The following NRL variants were observed in gnomAD, a reference collection of about 807,000 sequenced individuals.
NRL encodes neural retina leucine zipper, also known as neural retina-specific leucine zipper protein.
In NRL, 16 loss-of-function variants were observed where a neutral mutation model predicts 12.5. The observed-to-expected ratio is 1.28, with a 90% CI of 0.87 to 1.95. The LOEUF (loss-of-function observed/expected upper bound fraction) is 1.95, where lower values mean the gene tolerates loss of function less well. Ranked by LOEUF, NRL falls within the 30% of genes most tolerant of loss-of-function variation. NRL has a pLI of 0.00. For missense variants in NRL, 314 were observed against 325.8 expected, an observed-to-expected ratio of 0.96 and a Z score of 0.28; for synonymous variants, 142 against 150.9, an observed-to-expected ratio of 0.94 and a Z score of 0.43.
chr14:24,105,668 C>T (rs1339633514), intron 1 of NRL, among the ~76,000 whole-genome samples: 2 of 152,208 alleles, frequency 1.3e-5, no homozygotes, highest in Non-Finnish European at 2.9e-5. Flanking sequence ...CCTATAATCC[C>T]AGCACTTTGG....
intron 1 of NRL, among the ~76,000 whole-genome samples, chr14:24,096,088 C>T (rs1049577242): frequency 6.6e-6 from 1 of 152,126 alleles, no homozygotes; most frequent in African/African-American, 2.4e-5. Flanking sequence ...AGAATAAACA[C>T]AGCTGCCATT....
In NRL at chr14:24,079,124, G is replaced by GT. The variant is rs2036202966; in HGVS notation, c.*2111dup. Reference sequence around the variant, plus strand: ...CTTAATCACCACAGTGTGCAACTTTGTTTTTTTAAGTATACTCAGGTAACC... The same window carrying GT: ...CTTAATCACCACAGTGTGCAACTTTGTTTTTTTTAAGTATACTCAGGTAACC... On this transcript the variant is annotated 3_prime_UTR_variant, in exon 3 of 3. Coordinates refer to ENST00000561028, the MANE Select transcript of NRL (RefSeq NM_001354768.3). 1.3e-5 allele frequency among the ~76,000 whole-genome samples: 2 copies of GT among 152,066 alleles called. No individual in the cohort carries two copies. The highest frequency in any genetic ancestry group is 2.9e-5 in the Non-Finnish European group (2 of 68,004).
At chr14:24,104,428 G>C (rs1169323608) in intron 1 of NRL, among the ~76,000 whole-genome samples, 2 of 149,194 alleles carry the variant, frequency 1.3e-5, no homozygotes, top group Non-Finnish European at 3.0e-5. Context: ...AGGGGATTGA[G>C]ACCATCCGGG....
rs1226575723 is a variant in NRL at position 24,081,582 on chromosome 14, A to G, written c.382-14T>C. 1 of 1,584,032 alleles carries G rather than the reference A, an allele frequency of 6.3e-7. No individual in the cohort carries two copies. Among genetic ancestry groups the G allele is most frequent in the South Asian group, 1.2e-5 (1 of 86,908 alleles). On this transcript the variant is annotated splice_polypyrimidine_tract_variant and intron_variant, in intron 2 of 2. Coordinates refer to ENST00000561028, the MANE Select transcript of NRL (RefSeq NM_001354768.3). This position sits in a 1 kb window ranked among gnomAD's most constrained non-coding sequence, Gnocchi z 4.4. ...CCGCTCTGCCAGCTGCGGAGGGAGA[A>G]TGCAGAAACCGGGTCAGCGCCAGGT...
chr14:24,113,959 C>T (rs10138006), intron 1 of NRL, among the ~76,000 whole-genome samples: 3,075 of 152,340 alleles, frequency 0.02, 90 homozygotes, highest in African/African-American at 0.07. Flanking sequence ...CCACACGTCC[C>T]CACCCAGCCA....
Position 24,094,270 on chromosome 14 carries a change from C to G in NRL, c.-27-11395G>C. 1 of 823,280 alleles carries G rather than the reference C, an allele frequency of 1.2e-6. No individual in the cohort carries two copies. Among genetic ancestry groups the G allele is most frequent in the Non-Finnish European group, 1.9e-6 (1 of 526,732 alleles). 51.0% of individuals were successfully genotyped at this position (823,280 alleles called of 1,614,324 possible). ...GCCCTACCAGGTTCCGCCCCCGCGCCTGCCCCCCTCCTTTTTAAGCGCCTC... is the reference window on the plus strand; with the variant it reads ...GCCCTACCAGGTTCCGCCCCCGCGCGTGCCCCCCTCCTTTTTAAGCGCCTC... On this transcript the variant is annotated intron_variant, in intron 1 of 2. Coordinates refer to ENST00000561028, the MANE Select transcript of NRL (RefSeq NM_001354768.3). The surrounding 1 kb of genome is among the most constrained non-coding windows in gnomAD (Gnocchi z 4.1).
intron 1 of NRL, among the ~76,000 whole-genome samples, chr14:24,090,811 A>T (rs11850924): frequency 0.015 from 2,359 of 152,324 alleles, 47 homozygotes; most frequent in African/African-American, 0.054. Flanking sequence ...AGTGCAAGGA[A>T]ATCTGCACGT....
chr14:24,100,168 C>T (rs199965475), intron 1 of NRL: 1 of 1,614,118 alleles, frequency 6.2e-7, no homozygotes, highest in Non-Finnish European at 8.5e-7. Context: ...GCCTCTTCCA[C>T]CTGGTGTTAC....
chr14:24,114,877 G>T lies in NRL; in HGVS notation c.-183C>A. The T allele has an allele frequency of 1.0e-6, 1 of 985,958 alleles. No individual in the cohort carries two copies. The allele number at this position is 985,958 out of a possible 1,614,324, so 61.1% of individuals were successfully genotyped here. A position where few individuals can be genotyped will look rare whatever the true frequency, so the allele number is the denominator to read the frequency against. On this transcript the variant is annotated 5_prime_UTR_variant, in exon 1 of 3. Coordinates refer to ENST00000561028, the MANE Select transcript of NRL (RefSeq NM_001354768.3). ...GGCCAACGCAGTGGCGGCAGTCGGT[G>T]TAAACAAGGCCTCGCGCCGCTGCGG...
At chr14:24,092,851 T>C (rs576533819) in intron 1 of NRL, among the ~76,000 whole-genome samples, 1 of 152,348 alleles carries the variant, frequency 6.6e-6, no homozygotes, top group East Asian at 1.9e-4. Context: ...AGGAATCCAT[T>C]GCTCGCCATC....
chr14:24,104,453 C>A (rs2037293444), intron 1 of NRL, among the ~76,000 whole-genome samples: 1 of 150,756 alleles, frequency 6.6e-6, no homozygotes. Flanking sequence ...CACGGTGAAA[C>A]CCTATCGCTA....
intron 1 of NRL, chr14:24,110,275 GT>G: frequency 3.1e-6 from 1 of 317,794 alleles, no homozygotes; most frequent in Non-Finnish European, 6.7e-6. Context: ...GCTCAATTTT[GT>G]TTTTGTATTT....
At chr14:24,098,488 T>C in intron 1 of NRL, 4 of 1,614,086 alleles carry the variant, frequency 2.5e-6, no homozygotes, top group Non-Finnish European at 3.4e-6. Context: ...GCACCATGTA[T>C]GTGCTTCCAT....
At chr14:24,083,545 C>T (rs1772551448) in intron 1 of NRL, among the ~76,000 whole-genome samples, 1 of 152,204 alleles carries the variant, frequency 6.6e-6, no homozygotes, top group South Asian at 2.1e-4. Context: ...CAAGGCCAGT[C>T]TCTCCAAGGG....
At chr14:24,108,969 C>T (rs1438946622) in intron 1 of NRL, among the ~76,000 whole-genome samples, 1 of 152,200 alleles carries the variant, frequency 6.6e-6, no homozygotes, top group East Asian at 1.9e-4. Context: ...TCCTTTCCTT[C>T]TCTCCTCAGC....
Position 24,113,544 on chromosome 14 carries a change from C to T in NRL, c.-28+1178G>A, listed in dbSNP as rs184045717. ...AAGTAATCTGGCAATAGAGGATGGG[C>T]GCCCAGCAGACCGCCTACATAATCA... On this transcript the variant is annotated intron_variant, in intron 1 of 2. Transcript: ENST00000561028. 2.7e-3 allele frequency among the ~76,000 whole-genome samples: 413 copies of T among 152,318 alleles called. 3 individuals carry two copies. The highest frequency in any genetic ancestry group is 9.4e-3 in the African/African-American group (392 of 41,564).
chr14:24,099,329 G>C, intron 1 of NRL: 2 of 1,278,684 alleles, frequency 1.6e-6, no homozygotes, highest in South Asian at 1.4e-5. Context: ...CTCCTGCCAG[G>C]TGCCAGGCTG....
rs1464462213 is a variant in NRL at position 24,099,529 on chromosome 14, T to C, written c.-28+15193A>G. Reference sequence around the variant, plus strand: ...CATGCCCTGACTTTTGGTGACCTCTTTCTTATTCCCTCTCTCCCCAATGCA... The same window carrying C: ...CATGCCCTGACTTTTGGTGACCTCTCTCTTATTCCCTCTCTCCCCAATGCA... On this transcript the variant is annotated intron_variant, in intron 1 of 2. Coordinates refer to ENST00000561028, the MANE Select transcript of NRL (RefSeq NM_001354768.3). The C allele has an allele frequency of 1.9e-6, 3 of 1,551,598 alleles. No homozygotes were observed. In the Admixed American group the frequency reaches 5.8e-5, roughly 30 times the overall value.
rs2036322429 is a variant in NRL at position 24,081,886 on chromosome 14, G to C, written c.382-318C>G. ...TCCCCGGCATCCAGCTCCAGGCCCG[G>C]GTGTGTCCAGTGGACCCGCACCCAG... On this transcript the variant is annotated intron_variant, in intron 2 of 2. Coordinates refer to ENST00000561028, the MANE Select transcript of NRL (RefSeq NM_001354768.3). This position sits in a 1 kb window ranked among gnomAD's most constrained non-coding sequence, Gnocchi z 4.4. The C allele has an allele frequency of 6.0e-6, 8 of 1,335,862 alleles. No individual in the cohort carries two copies. Among genetic ancestry groups the C allele is most frequent in the African/African-American group, 1.5e-5 (1 of 65,650 alleles). 82.8% of individuals were successfully genotyped at this position (1,335,862 alleles called of 1,614,324 possible). A position where few individuals can be genotyped will look rare whatever the true frequency, so the allele number is the denominator to read the frequency against.
Sources: allele counts gnomAD v4.1 joint callset (sites outside exome capture counted in the v4.1 genomes callset), GRCh38; gene constraint gnomAD v4.1.1; non-coding constraint Gnocchi (gnomAD v3.1); transcripts MANE v1.5; gene names NCBI Gene and HGNC (gene_info 2026-07-23, HGNC 2026-07-21).